CKAP5: variants seen among roughly 807,000 people sequenced by gnomAD.
CKAP5 encodes cytoskeleton associated protein 5, also known as cytoskeleton-associated protein 5.
Under a neutral mutation model 232.8 loss-of-function variants are expected in CKAP5, and 27 were observed. The observed-to-expected ratio is 0.12, with a 90% CI of 0.09 to 0.16. The LOEUF (loss-of-function observed/expected upper bound fraction) is 0.16. CKAP5 is among the 10% of genes least tolerant of loss of function. The probability of loss-of-function intolerance (pLI) is 1.00; values close to 1 mark genes in which losing one functional copy is unlikely to be tolerated. For synonymous variants in CKAP5, 785 were observed against 841.1 expected (o/e 0.93, Z 1.16); for missense variants, 1,838 against 2,424.7 (o/e 0.76, Z 5.08).
chr11:46,845,867 G>A (rs1940176540), intron 1 of CKAP5, among the ~76,000 whole-genome samples: 1 of 152,176 alleles, frequency 6.6e-6, no homozygotes, highest in African/African-American at 2.4e-5. Flanking sequence ...CACTCTAGCA[G>A]GGCCGGCTCT....
At chr11:46,819,140 G>C (rs994980771) in intron 2 of CKAP5, among the ~76,000 whole-genome samples, 1 of 152,148 alleles carries the variant, frequency 6.6e-6, no homozygotes, top group Admixed American at 6.5e-5. Flanking sequence ...TGCTATGAAA[G>C]TATATATTAT....
intron 26 of CKAP5, 56 bp from the exon 27 acceptor site, chr11:46,767,719 T>C: frequency 9.1e-7 from 1 of 1,094,618 alleles, no homozygotes; most frequent in East Asian, 2.6e-5. Flanking sequence ...CATTTTATTT[T>C]GGACAGGTTA....
chr11:46,763,192 C>CAA lies in CKAP5; in HGVS notation c.3688-15_3688-14dup, dbSNP rs1327315728. The CAA allele has an allele frequency of 2.6e-6, 4 of 1,543,800 alleles. No individual in the cohort carries two copies. The highest frequency in any genetic ancestry group is 3.5e-6 in the Non-Finnish European group (4 of 1,129,362). ...CACTCTCCAAGTGCTTAAAATAAAA[C>CAA]AAAACAAAACTCCCACAAATAAGAA... On this transcript the variant is annotated splice_polypyrimidine_tract_variant and intron_variant, in intron 29 of 43. Transcript: ENST00000529230.
chr11:46,753,405 C>A lies in CKAP5; in HGVS notation c.4962G>T (p.Arg1654=). ...GTTGTCCTTCCTCAAGATCTTCAAT[C>A]CGAGAATCCAGCATTAAGGTGATGA... ...HGLITLMLDS[R]IEDLEEGQQV... The change falls in exon 37 of 44, where the codon CGG becomes CGT. Residue 1654 remains arginine, a synonymous_variant. Coordinates refer to ENST00000529230, the MANE Select transcript of CKAP5 (RefSeq NM_001008938.4). The A allele has an allele frequency of 6.2e-7, 1 of 1,614,010 alleles. No homozygotes were observed. Among genetic ancestry groups the A allele is most frequent in the Middle Eastern group, 1.6e-4 (1 of 6,062 alleles).
intron 8 of CKAP5, among the ~76,000 whole-genome samples, chr11:46,803,527 CAA>C (rs1390223954): frequency 2.6e-5 from 4 of 152,174 alleles, no homozygotes; most frequent in Non-Finnish European, 2.9e-5. Flanking sequence ...CTCGGCCTCC[CAA>C]AGTGTTGGGA....
At chr11:46,789,854 G>A (rs1938666733) in intron 15 of CKAP5, among the ~76,000 whole-genome samples, 1 of 152,122 alleles carries the variant, frequency 6.6e-6, no homozygotes, top group Non-Finnish European at 1.5e-5. Flanking sequence ...ATTTTCTTAA[G>A]TATTAAGTCA....
At chr11:46,764,503 TAGTG>T (rs1320801261) in intron 28 of CKAP5, among the ~76,000 whole-genome samples, 6 of 151,866 alleles carry the variant, frequency 4.0e-5, no homozygotes, top group Non-Finnish European at 8.8e-5. Flanking sequence ...TAAAAGAAAA[TAGTG>T]AGATACAGAA....
At chr11:46,744,387 C>T in intron 43 of CKAP5, 39 bp downstream of exon 43, 1 of 1,613,838 alleles carries the variant, frequency 6.2e-7, no homozygotes, top group Non-Finnish European at 8.5e-7. Context: ...CTGCTTGTGA[C>T]TACCCTCCCT....
At chr11:46,789,981 A>T in intron 15 of CKAP5, 95 bp downstream of exon 15, 1 of 783,532 alleles carries the variant, frequency 1.3e-6, no homozygotes, top group East Asian at 2.5e-5. Flanking sequence ...ACCGGTTATA[A>T]AACACAGCAA....
At chr11:46,791,638 T>C (rs1349387175) in intron 13 of CKAP5, among the ~76,000 whole-genome samples, 1 of 152,152 alleles carries the variant, frequency 6.6e-6, no homozygotes, top group East Asian at 1.9e-4. Context: ...CATGTCACTA[T>C]ACTCTGGCTT....
chr11:46,788,706 G>T lies in CKAP5; in HGVS notation c.1943C>A (p.Pro648His). ...QALVRMLAKK[P>H]GWKETNFQVM... Reference sequence around the variant, plus strand: ...CTGAAAATTAGTTTCTTTCCATCCAGGTTTCTTGGCTAGCATCCTCACTAA... The same window carrying T: ...CTGAAAATTAGTTTCTTTCCATCCATGTTTCTTGGCTAGCATCCTCACTAA... Residue 648 changes from proline (P) to histidine (H), a missense_variant, in exon 16 of 44, where the codon CCT (proline) becomes CAT (histidine). Physicochemically the swap from Pro to His is moderately conservative, Grantham distance 77. Coordinates refer to ENST00000529230, the MANE Select transcript of CKAP5 (RefSeq NM_001008938.4). 2 of 1,607,728 alleles carry T rather than the reference G, an allele frequency of 1.2e-6. No individual in the cohort carries two copies. Among genetic ancestry groups the T allele is most frequent in the Non-Finnish European group, 1.7e-6 (2 of 1,176,524 alleles).
chr11:46,760,374 T>C (rs1019478002), intron 33 of CKAP5: 1 of 661,376 alleles, frequency 1.5e-6, no homozygotes, highest in African/African-American at 1.8e-5. Context: ...CGATACATAA[T>C]TCTGTCCACG....
At chr11:46,744,983 G>A (rs1279895081) in intron 42 of CKAP5, among the ~76,000 whole-genome samples, 1 of 152,212 alleles carries the variant, frequency 6.6e-6, no homozygotes, top group East Asian at 1.9e-4. Flanking sequence ...TCACATAGGA[G>A]AAACTCATTT....
At chr11:46,752,187 T>TACACACACAC (rs1235472492) in intron 38 of CKAP5, among the ~76,000 whole-genome samples, 1 of 67,918 alleles carries the variant, frequency 1.5e-5, no homozygotes. Flanking sequence ...TATATATATA[T>TACACACACAC]ATATATACAC....
chr11:46,817,536 T>C (rs1351552988), intron 3 of CKAP5, among the ~76,000 whole-genome samples: 3 of 152,138 alleles, frequency 2.0e-5, no homozygotes, highest in African/African-American at 7.2e-5. Flanking sequence ...AATTAAAAAG[T>C]GATAGTTTTA....
At chr11:46,809,656 C>A in intron 6 of CKAP5, 86 bp downstream of exon 6, 2 of 1,503,840 alleles carry the variant, frequency 1.3e-6, no homozygotes, top group Non-Finnish European at 1.8e-6. Flanking sequence ...GGCAATCCTA[C>A]AAAATATGCC....
Position 46,784,508 on chromosome 11 carries a change from A to C in CKAP5, c.2134T>G (p.Leu712Val). 6.2e-7 allele frequency: 1 copy of C among 1,614,048 alleles called. No homozygotes were observed. Among genetic ancestry groups the C allele is most frequent in the Non-Finnish European group, 8.5e-7 (1 of 1,179,924 alleles). ...AMTAIAEACM[L>V]PWTAEQVVSM... The stretch of plus-strand genomic sequence containing the variant: ...CTAACCTGTTCAGCAGTCCATGGTA[A>C]CATACAGGCTTCGGCTATTGCTGTC... The change falls in exon 17 of 44, where the codon TTA becomes GTA. Residue 712 changes from leucine to valine, a missense_variant. Physicochemically the swap from Leu to Val is conservative, Grantham distance 32 (BLOSUM62 1). This residue lies in a region of CKAP5 where 767 missense variants were observed against 954.6 expected (regional missense o/e 0.80). Coordinates refer to ENST00000529230, the MANE Select transcript of CKAP5 (RefSeq NM_001008938.4).
At position 46,759,298 on chromosome 11, in the gene CKAP5, A is replaced by C; in HGVS notation, c.4539T>G (p.Ile1513Met). Residue 1513 changes from isoleucine to methionine, a missense_variant, in exon 34 of 44, where the codon ATT (isoleucine) becomes ATG (methionine). Transcript: ENST00000529230. ...PELVQHKLDD[I>M]FEPVLIPEPK... Reference sequence around the variant, plus strand: ...GTTCAGGAATAAGGACTGGCTCAAAAATGTCATCCAGTTTGTGCTGAACAA... The same window carrying C: ...GTTCAGGAATAAGGACTGGCTCAAACATGTCATCCAGTTTGTGCTGAACAA... 6.2e-7 allele frequency: 1 copy of C among 1,613,874 alleles called. No homozygotes were observed. The highest frequency in any genetic ancestry group is 8.5e-7 in the Non-Finnish European group (1 of 1,179,936).
At chr11:46,824,738 CAT>C (rs1177090689) in intron 1 of CKAP5, among the ~76,000 whole-genome samples, 7 of 152,148 alleles carry the variant, frequency 4.6e-5, no homozygotes, top group African/African-American at 1.4e-4. Context: ...TTAAAAGTAT[CAT>C]ATAGGGATGA....
Sources: gnomAD v4.1 joint callset for allele counts (sites outside exome capture counted in the v4.1 genomes callset) on GRCh38, gnomAD v4.1.1 for gene constraint, gnomAD v4.1.1 regional missense constraint, MANE v1.5 for transcripts, NCBI Gene and HGNC (gene_info 2026-07-23, HGNC 2026-07-21) for gene names.